Variants in AMPH observed in about 807,000 individuals in gnomAD.
The protein encoded by AMPH is amphiphysin (Stiff-Mann syndrome with breast cancer 128kD autoantigen).
In AMPH, 49 loss-of-function variants were observed where a neutral mutation model predicts 99.1. The observed-to-expected ratio is 0.49, with a 90% CI of 0.39 to 0.63. The LOEUF is 0.63. AMPH is among the 20% of genes least tolerant of loss of function. AMPH has a pLI of 0.00. For missense variants in AMPH, 759 were observed against 863.4 expected (o/e 0.88, Z 1.52); for synonymous variants, 314 against 317.3 (o/e 0.99, Z 0.11).
intron 3 of AMPH, among the ~76,000 whole-genome samples, chr7:38,498,351 C>A (rs1030818824): frequency 1.3e-5 from 2 of 152,200 alleles, no homozygotes; most frequent in African/African-American, 4.8e-5. Flanking sequence ...GTCCAACTGT[C>A]AGCCATCACA....
intron 11 of AMPH, among the ~76,000 whole-genome samples, chr7:38,445,041 T>TAC (rs1554337451): frequency 1.7e-4 from 22 of 130,220 alleles, no homozygotes; most frequent in African/African-American, 5.7e-4. Context: ...TACATATATA[T>TAC]ACATATATAG....
intron 6 of AMPH, 121 bp downstream of exon 6, chr7:38,476,741 A>C: frequency 3.1e-6 from 2 of 640,832 alleles, no homozygotes; most frequent in Non-Finnish European, 2.7e-6. Context: ...ACTATGTTTC[A>C]GTTTAAATTC....
intron 1 of AMPH, among the ~76,000 whole-genome samples, chr7:38,593,863 C>T (rs546033736): frequency 9.2e-5 from 14 of 152,178 alleles, no homozygotes; most frequent in South Asian, 6.2e-4. Flanking sequence ...GGAAGCTAGA[C>T]GGGAGAGAAA....
At chr7:38,454,338 G>A (rs755381905) in intron 11 of AMPH, among the ~76,000 whole-genome samples, 2 of 152,174 alleles carry the variant, frequency 1.3e-5, no homozygotes, top group Non-Finnish European at 2.9e-5. Flanking sequence ...GCATAGTGTA[G>A]TGATTGATGT....
At chr7:38,468,929 T>C (rs538711632) in intron 7 of AMPH, among the ~76,000 whole-genome samples, 2,335 of 128,098 alleles carry the variant, frequency 0.018, 633 homozygotes, top group African/African-American at 0.066. Flanking sequence ...CCGAGGCGGG[T>C]GGATCACGAG....
intron 7 of AMPH, among the ~76,000 whole-genome samples, chr7:38,472,810 A>T (rs1787934310): frequency 6.6e-6 from 1 of 152,328 alleles, no homozygotes; most frequent in Non-Finnish European, 1.5e-5. Flanking sequence ...TATACTGCGT[A>T]TGACCAGAAA....
chr7:38,565,060 T>C (rs1273136829), intron 1 of AMPH, among the ~76,000 whole-genome samples: 4 of 150,228 alleles, frequency 2.7e-5, no homozygotes, highest in South Asian at 2.1e-4. Context: ...GGAGGCAGAG[T>C]TTGCAGTGAG....
chr7:38,521,633 C>T (rs561564358), intron 2 of AMPH, among the ~76,000 whole-genome samples: 10 of 152,122 alleles, frequency 6.6e-5, no homozygotes, highest in Non-Finnish European at 1.0e-4. Context: ...CCCCTCCATG[C>T]ATCATCTCTT....
chr7:38,537,882 G>T (rs1790673053), intron 1 of AMPH, among the ~76,000 whole-genome samples: 2 of 152,298 alleles, frequency 1.3e-5, no homozygotes, highest in Middle Eastern at 3.4e-3. Flanking sequence ...GATACTATGT[G>T]ATGAGAAGAA....
At chr7:38,532,152 A>G (rs1206820481) in intron 2 of AMPH, among the ~76,000 whole-genome samples, 1 of 152,100 alleles carries the variant, frequency 6.6e-6, no homozygotes, top group African/African-American at 2.4e-5. Context: ...TTCAAAAGAA[A>G]ATTAATAAAT....
intron 9 of AMPH, among the ~76,000 whole-genome samples, chr7:38,465,059 T>A (rs2129009819): frequency 6.6e-6 from 1 of 152,346 alleles, no homozygotes; most frequent in Non-Finnish European, 1.5e-5. Context: ...AATGGATTCA[T>A]GAAAGACGTC....
intron 1 of AMPH, among the ~76,000 whole-genome samples, chr7:38,541,619 G>C (rs1338141960): frequency 2.0e-5 from 3 of 152,194 alleles, no homozygotes; most frequent in Non-Finnish European, 2.9e-5. Flanking sequence ...GCTGGCATGA[G>C]CCTTCCTGCC....
At chr7:38,550,010 A>T (rs9648064) in intron 1 of AMPH, among the ~76,000 whole-genome samples, 12,641 of 152,322 alleles carry the variant, frequency 0.083, 717 homozygotes, top group Middle Eastern at 0.19. Flanking sequence ...TAGTGAGAAC[A>T]TTGAAAGAAT....
intron 1 of AMPH, among the ~76,000 whole-genome samples, chr7:38,558,097 A>T (rs1330035651): frequency 6.6e-6 from 1 of 152,228 alleles, no homozygotes; most frequent in East Asian, 1.9e-4. Flanking sequence ...TAAAAACCGC[A>T]AGACAAAGTA....
At chr7:38,573,687 C>T (rs1439720872) in intron 1 of AMPH, among the ~76,000 whole-genome samples, 1 of 152,176 alleles carries the variant, frequency 6.6e-6, no homozygotes, top group Non-Finnish European at 1.5e-5. Flanking sequence ...GGGAGACTCT[C>T]CTGATCTGAA....
At chr7:38,432,309 T>A in intron 12 of AMPH, 97 bp from the exon 13 acceptor site, 2 of 1,181,636 alleles carry the variant, frequency 1.7e-6, no homozygotes, top group Non-Finnish European at 2.5e-6. Context: ...AAGCATTTTT[T>A]AAGCATTTTG....
chr7:38,523,528 C>A (rs1205597619), intron 2 of AMPH, among the ~76,000 whole-genome samples: 1 of 152,186 alleles, frequency 6.6e-6, no homozygotes, highest in Non-Finnish European at 1.5e-5. Context: ...GGAGCTTCCA[C>A]TGGCTAAATT....
intron 17 of AMPH, among the ~76,000 whole-genome samples, chr7:38,416,792 C>G (rs1463814890): frequency 6.6e-6 from 1 of 152,154 alleles, no homozygotes; most frequent in African/African-American, 2.4e-5. Flanking sequence ...TCTAAAGTCC[C>G]TGCAAGCAAT....
chr7:38,597,354 A>G (rs1046843142), intron 1 of AMPH, among the ~76,000 whole-genome samples: 1 of 152,096 alleles, frequency 6.6e-6, no homozygotes, highest in African/African-American at 2.4e-5. Flanking sequence ...GCCCCATAAG[A>G]GGAACAGGAA....
Sources: allele counts gnomAD v4.1 joint callset (sites outside exome capture counted in the v4.1 genomes callset), GRCh38; gene constraint gnomAD v4.1.1; transcripts MANE v1.5; gene names NCBI Gene and HGNC (gene_info 2026-07-23, HGNC 2026-07-21).